DPP6: variants seen among roughly 807,000 people sequenced by gnomAD.
The protein encoded by DPP6 is dipeptidyl peptidase like 6, also known as A-type potassium channel modulatory protein DPP6.
A neutral mutation model predicts 122.6 loss-of-function variants in DPP6; 69 were observed. That is an observed-to-expected ratio of 0.56 (90% CI 0.46 to 0.69). The LOEUF (loss-of-function observed/expected upper bound fraction) is 0.69. DPP6 is among the 30% of genes least tolerant of loss of function. The pLI is 0.00. For synonymous variants in DPP6, 418 were observed against 433.1 expected (o/e 0.97, Z 0.43); for missense variants, 928 against 1,116.9 (o/e 0.83, Z 2.41).
chr7:153,911,358 C>T (rs1800085848), intron 1 of DPP6, among the ~76,000 whole-genome samples: 1 of 152,178 alleles, frequency 6.6e-6, no homozygotes, highest in Non-Finnish European at 1.5e-5. Flanking sequence ...TTTCCTTTCA[C>T]TGAGATCATA....
At chr7:153,940,149 T>C (rs1801631478) in intron 1 of DPP6, among the ~76,000 whole-genome samples, 1 of 152,124 alleles carries the variant, frequency 6.6e-6, no homozygotes, top group African/African-American at 2.4e-5. Flanking sequence ...TTCCAGGACA[T>C]AGGATGCAGA....
chr7:154,487,052 G>A (rs1823857458), intron 3 of DPP6, among the ~76,000 whole-genome samples: 1 of 152,154 alleles, frequency 6.6e-6, no homozygotes, highest in African/African-American at 2.4e-5. Flanking sequence ...CATCTTTGTT[G>A]ACTCCAGTTT....
intron 1 of DPP6, among the ~76,000 whole-genome samples, chr7:154,321,709 C>G (rs1585932114): frequency 6.7e-6 from 1 of 149,480 alleles, no homozygotes; most frequent in South Asian, 2.1e-4. Flanking sequence ...CGCTTGAACC[C>G]AGAAGGCGGA....
At chr7:154,393,650 A>G (rs1318074523) in intron 1 of DPP6, among the ~76,000 whole-genome samples, 2 of 151,922 alleles carry the variant, frequency 1.3e-5, no homozygotes, top group Non-Finnish European at 2.9e-5. Context: ...AAATATATAT[A>G]ACATAAAATT....
At chr7:154,413,399 G>C (rs1357280198) in intron 1 of DPP6, among the ~76,000 whole-genome samples, 1 of 152,186 alleles carries the variant, frequency 6.6e-6, no homozygotes, top group East Asian at 1.9e-4. Context: ...AATTTGTGCT[G>C]AATCAAAAGG....
intron 1 of DPP6, among the ~76,000 whole-genome samples, chr7:153,966,126 A>C (rs1275400726): frequency 9.8e-6 from 1 of 102,200 alleles, no homozygotes; most frequent in Non-Finnish European, 2.1e-5. Context: ...TCAAAGACGA[A>C]TCATGAAAGC....
chr7:154,392,992 G>A (rs1261656343), intron 1 of DPP6, among the ~76,000 whole-genome samples: 1 of 152,172 alleles, frequency 6.6e-6, no homozygotes, highest in Admixed American at 6.5e-5. Flanking sequence ...TTCATCAGAA[G>A]AAAATACATC....
At chr7:154,270,704 C>G (rs1347406733) in intron 1 of DPP6, among the ~76,000 whole-genome samples, 1 of 152,168 alleles carries the variant, frequency 6.6e-6, no homozygotes, top group Non-Finnish European at 1.5e-5. Flanking sequence ...TCACTTATTA[C>G]CAGACTCAAT....
intron 1 of DPP6, among the ~76,000 whole-genome samples, chr7:154,320,001 AATATATAT>A (rs71182894): frequency 0.55 from 76,160 of 139,246 alleles, 21,296 homozygotes; most frequent in East Asian, 0.65. Context: ...AAATATTTCA[AATATATAT>A]ATATATATAT....
intron 10 of DPP6, among the ~76,000 whole-genome samples, chr7:154,776,912 C>A (rs1156956897): frequency 2.6e-5 from 4 of 152,202 alleles, no homozygotes; most frequent in African/African-American, 7.2e-5. Context: ...TGGAAGCCTG[C>A]AGTTTATTTC....
rs563871172 is a variant in DPP6, at chr7:154,489,530, T to C, written c.457+14493T>C. Among the ~76,000 whole-genome samples, 2 of 152,304 alleles carry C rather than the reference T, an allele frequency of 1.3e-5. 1 individual carries two copies. The highest frequency in any genetic ancestry group is 4.1e-4 in the South Asian group (2 of 4,830). On this transcript the variant is annotated intron_variant, in intron 3 of 25. Transcript: ENST00000377770. ...AGAAATAGATATAGCATCTGGATAT[T>C]GTGATGCTGAGCAGGTTCTGGGCTT... is the stretch of plus-strand genomic sequence containing the variant.
At chr7:153,917,834 C>G (rs1800394375) in intron 1 of DPP6, among the ~76,000 whole-genome samples, 1 of 152,178 alleles carries the variant, frequency 6.6e-6, no homozygotes, top group African/African-American at 2.4e-5. Flanking sequence ...GTATACATTA[C>G]TTTTATCTTT....
In DPP6 at chr7:154,820,598, C is replaced by T. The variant is rs139381364; in HGVS notation, c.1666+13486C>T. On this transcript the variant is annotated intron_variant, in intron 16 of 25. Transcript: ENST00000377770. ...GGTCAAAATTATGAACAGAACAACA[C>T]CAGAAAGTGCCCTAGAAAATACAAC... 2.9e-3 allele frequency among the ~76,000 whole-genome samples: 436 copies of T among 152,234 alleles called. 3 individuals carry two copies. Among genetic ancestry groups the T allele is most frequent in the Middle Eastern group, 0.02 (6 of 294 alleles).
intron 3 of DPP6, among the ~76,000 whole-genome samples, chr7:154,520,865 T>A (rs1336145649): frequency 1.3e-5 from 2 of 152,138 alleles, no homozygotes. Context: ...ACATCAAAAT[T>A]ATCAGTAACG....
intron 10 of DPP6, among the ~76,000 whole-genome samples, chr7:154,774,244 G>T (rs929656093): frequency 1.3e-5 from 2 of 151,992 alleles, no homozygotes; most frequent in African/African-American, 2.4e-5. Flanking sequence ...TTGGAGAGTT[G>T]AATTGATTTG....
intron 7 of DPP6, among the ~76,000 whole-genome samples, chr7:154,674,572 C>G (rs1838771147): frequency 6.6e-6 from 1 of 152,224 alleles, no homozygotes; most frequent in African/African-American, 2.4e-5. Flanking sequence ...GGAATCTTTG[C>G]TGGTACACTC....
chr7:154,106,490 G>A (rs1429103873), intron 1 of DPP6, among the ~76,000 whole-genome samples: 10 of 133,258 alleles, frequency 7.5e-5, no homozygotes, highest in South Asian at 2.9e-4. Flanking sequence ...ACTGGGCTGC[G>A]TGCTGGAGAT....
intron 6 of DPP6, among the ~76,000 whole-genome samples, chr7:154,643,278 ACTT>A (rs1252592749): frequency 3.3e-5 from 5 of 152,090 alleles, no homozygotes; most frequent in African/African-American, 1.2e-4. Flanking sequence ...TCTGCAATTA[ACTT>A]TCCAGCATTC....
intron 1 of DPP6, among the ~76,000 whole-genome samples, chr7:153,911,573 T>C (rs1368280185): frequency 6.6e-6 from 1 of 152,196 alleles, no homozygotes; most frequent in African/African-American, 2.4e-5. Flanking sequence ...CCCACTCCCT[T>C]CCTCTCTCAG....
Sources: gnomAD v4.1 joint callset for allele counts (sites outside exome capture counted in the v4.1 genomes callset) on GRCh38, gnomAD v4.1.1 for gene constraint, MANE v1.5 for transcripts, NCBI Gene and HGNC (gene_info 2026-07-23, HGNC 2026-07-21) for gene names.